The following RTTN variants were observed in gnomAD, a reference collection of about 807,000 sequenced individuals.
The protein encoded by RTTN is rotatin.
Under a neutral mutation model 269.2 loss-of-function variants are expected in RTTN, and 182 were observed. That is an observed-to-expected ratio of 0.68 (90% CI 0.60 to 0.76). The LOEUF is 0.76. Ranked by LOEUF, RTTN falls within the 30% of genes least tolerant of loss-of-function variation. RTTN has a pLI of 0.00. For synonymous variants in RTTN, 1,006 were observed against 963.5 expected (o/e 1.04, Z -0.82); for missense variants, 2,545 against 2,608.6 (o/e 0.98, Z 0.53).
chr18:70,153,362 C>T (rs2060590226), intron 14 of RTTN, among the ~76,000 whole-genome samples: 1 of 151,904 alleles, frequency 6.6e-6, no homozygotes, highest in African/African-American at 2.4e-5. Context: ...TTATTACATA[C>T]ATCTCTCTCT....
At chr18:70,048,874 TAAAC>T (rs2045797588) in intron 39 of RTTN, among the ~76,000 whole-genome samples, 1 of 151,820 alleles carries the variant, frequency 6.6e-6, no homozygotes, top group African/African-American at 2.4e-5. Flanking sequence ...AAAATAAAAA[TAAAC>T]AAAAATAAAA....
At chr18:70,042,346 T>C (rs1568285071) in intron 40 of RTTN, among the ~76,000 whole-genome samples, 1 of 150,874 alleles carries the variant, frequency 6.6e-6, no homozygotes, top group Non-Finnish European at 1.5e-5. Context: ...AACCAGGAAT[T>C]CTAAGGGCTT....
chr18:70,137,209 A>G (rs1038745150), intron 21 of RTTN, among the ~76,000 whole-genome samples: 2 of 152,310 alleles, frequency 1.3e-5, no homozygotes, highest in East Asian at 3.9e-4. Context: ...AAACAAAGGT[A>G]AGGAAGTTTC....
At chr18:70,103,218 G>A (rs545471112) in intron 28 of RTTN, among the ~76,000 whole-genome samples, 1 of 152,198 alleles carries the variant, frequency 6.6e-6, no homozygotes, top group South Asian at 2.1e-4. Context: ...TTCCAAGCAT[G>A]AAGTGACAGC....
At chr18:70,074,699 T>C (rs2058382863) in intron 33 of RTTN, 1 of 151,590 alleles carries the variant, frequency 6.6e-6, no homozygotes, top group Non-Finnish European at 1.5e-5. Context: ...ATTATAAAAA[T>C]GAATTTAAAA....
Position 70,114,482 on chromosome 18 carries a change from CAA to C in RTTN, c.3644_3645del (p.Phe1215Ter). 1 of 1,613,250 alleles carries C rather than the reference CAA, an allele frequency of 6.2e-7. No homozygotes were observed. The highest frequency in any genetic ancestry group is 2.2e-5 in the East Asian group (1 of 44,846). ...TCCATGAAATTGAGCAGCAAGGTATCAAAAAGAGCAATCAGTTCTTTCTGAAG... is the reference window on the plus strand; with the variant it reads ...TCCATGAAATTGAGCAGCAAGGTATCAAAGAGCAATCAGTTCTTTCTGAAG... ...QQLQKELIAL[F>X]DTLLLNFMEV... On this transcript the variant is annotated frameshift_variant, in exon 27 of 49. Coordinates refer to ENST00000640769, the MANE Select transcript of RTTN (RefSeq NM_173630.4). LOFTEE classifies it high-confidence loss of function.
chr18:70,192,332 A>G lies in RTTN; in HGVS notation c.1007+956T>C, dbSNP rs1329741321. 4.6e-5 allele frequency among the ~76,000 whole-genome samples: 7 copies of G among 152,342 alleles called. No homozygotes were observed. In the South Asian group the frequency reaches 6.2e-4, roughly 14 times the overall value. On this transcript the variant is annotated intron_variant, in intron 8 of 48. Transcript: ENST00000640769. ...CATTTGCACCCAAGGATAAGGTAAC[A>G]TACAAATACCACACCAATCCTTTTA...
intron 14 of RTTN, among the ~76,000 whole-genome samples, 178 bp downstream of exon 14, chr18:70,165,884 A>AGG (rs1484975347): frequency 6.6e-6 from 1 of 152,184 alleles, no homozygotes; most frequent in Non-Finnish European, 1.5e-5. Context: ...GGACTTACTA[A>AGG]GTTAAGAGAA....
chr18:70,077,556 TA>T (rs2058459116), intron 32 of RTTN, among the ~76,000 whole-genome samples: 1 of 151,956 alleles, frequency 6.6e-6, no homozygotes, highest in African/African-American at 2.4e-5. Flanking sequence ...GTTACACATG[TA>T]AATATGGTAT....
At chr18:70,051,936 T>C (rs779236926) in intron 38 of RTTN, among the ~76,000 whole-genome samples, 2 of 152,128 alleles carry the variant, frequency 1.3e-5, no homozygotes, top group Non-Finnish European at 2.9e-5. Context: ...ATTTCCTTTA[T>C]CCCCTCCAGC....
intron 40 of RTTN, among the ~76,000 whole-genome samples, chr18:70,046,952 T>C (rs916022258): frequency 3.9e-5 from 6 of 152,226 alleles, no homozygotes; most frequent in African/African-American, 1.4e-4. Flanking sequence ...CAATCCTTTC[T>C]GCATCTCAAC....
chr18:70,205,515 G>C, intron 1 of RTTN, 113 bp downstream of exon 1: 1 of 1,450,112 alleles, frequency 6.9e-7, no homozygotes, highest in Non-Finnish European at 9.7e-7. Flanking sequence ...CAAAGCGGGG[G>C]TGAAAGAGGG....
chr18:70,193,556 T>G, intron 7 of RTTN, 103 bp from the exon 8 acceptor site: 1 of 889,766 alleles, frequency 1.1e-6, no homozygotes, highest in South Asian at 2.2e-5. Flanking sequence ...CAAATTAAGA[T>G]AGTAGGAATC....
intron 43 of RTTN, among the ~76,000 whole-genome samples, chr18:70,026,355 G>A (rs2056852900): frequency 6.6e-6 from 1 of 152,088 alleles, no homozygotes; most frequent in African/African-American, 2.4e-5. Flanking sequence ...ATATCTTGGG[G>A]GCGGATTCCT....
chr18:70,198,957 G>A (rs1185068710), intron 5 of RTTN, among the ~76,000 whole-genome samples: 1 of 152,096 alleles, frequency 6.6e-6, no homozygotes, highest in Non-Finnish European at 1.5e-5. Flanking sequence ...GAGGCCAAGA[G>A]GGGCGGATCA....
chr18:70,008,559 T>C (rs1226012351), intron 46 of RTTN: 1 of 151,770 alleles, frequency 6.6e-6, no homozygotes, highest in Non-Finnish European at 1.5e-5. Flanking sequence ...AAGAAGAACA[T>C]AAATGACCTG....
chr18:70,188,859 T>A (rs2061606226), intron 9 of RTTN, among the ~76,000 whole-genome samples: 1 of 58,040 alleles, frequency 1.7e-5, no homozygotes, highest in African/African-American at 2.6e-5. Flanking sequence ...CACACGAGAC[T>A]TTCCCACCCC....
At chr18:70,064,003 T>A (rs2058063966) in intron 35 of RTTN, among the ~76,000 whole-genome samples, 2 of 134,622 alleles carry the variant, frequency 1.5e-5, no homozygotes. Flanking sequence ...TGTGCTGAAA[T>A]GATTGGCAAA....
intron 33 of RTTN, among the ~76,000 whole-genome samples, 185 bp from the exon 34 acceptor site, chr18:70,074,179 T>G (rs1042154529): frequency 6.6e-6 from 1 of 151,810 alleles, no homozygotes; most frequent in Non-Finnish European, 1.5e-5. Context: ...TTTTTTAATG[T>G]GCATAAGAAT....
Sources: allele counts gnomAD v4.1 joint callset (sites outside exome capture counted in the v4.1 genomes callset), GRCh38; gene constraint gnomAD v4.1.1; transcripts MANE v1.5; gene names NCBI Gene and HGNC (gene_info 2026-07-23, HGNC 2026-07-21).